ASCC1: variants seen among roughly 807,000 people sequenced by gnomAD.
ASCC1 encodes ASC-1 complex subunit P50.
Under a neutral mutation model 46.6 loss-of-function variants are expected in ASCC1, and 35 were observed. The ratio of observed to expected loss-of-function variants is 0.75; its 90% CI spans 0.57 to 0.99. The LOEUF is 0.99. Ranked by LOEUF, ASCC1 falls within the 50% of genes least tolerant of loss-of-function variation. ASCC1 has a pLI of 0.00. For missense variants in ASCC1, 376 were observed against 428.7 expected (o/e 0.88, Z 1.09); for synonymous variants, 143 against 146.6 (o/e 0.98, Z 0.18).
chr10:72,204,054 G>T (rs1856866589), intron 3 of ASCC1, among the ~76,000 whole-genome samples: 1 of 152,180 alleles, frequency 6.6e-6, no homozygotes, highest in Admixed American at 6.5e-5. Flanking sequence ...TTCGAGACCA[G>T]CCTGGCCAAC....
chr10:72,166,215 A>C (rs1040427662), intron 5 of ASCC1, among the ~76,000 whole-genome samples: 1 of 152,240 alleles, frequency 6.6e-6, no homozygotes, highest in Non-Finnish European at 1.5e-5. Flanking sequence ...TATGCATTTC[A>C]ACACAGCTCA....
Position 72,097,288 on chromosome 10 carries a change from G to C in ASCC1, c.*46C>G. ...ATTAAAACGAAGACACTTTTCTTCA[G>C]CACCTGGTGAAGATGTTTAGTTTCT... is the stretch of plus-strand genomic sequence containing the variant. On this transcript the variant is annotated 3_prime_UTR_variant, in exon 10 of 10. Transcript: ENST00000672957. 1 of 1,298,706 alleles carries C rather than the reference G, an allele frequency of 7.7e-7. No individual in the cohort carries two copies. Among genetic ancestry groups the C allele is most frequent in the Non-Finnish European group, 1.1e-6 (1 of 894,440 alleles). The allele number at this position is 1,298,706 out of a possible 1,614,324, so 80.4% of individuals were successfully genotyped here.
chr10:72,205,169 T>A (rs540939149), intron 3 of ASCC1, among the ~76,000 whole-genome samples: 9 of 151,436 alleles, frequency 5.9e-5, no homozygotes, highest in Non-Finnish European at 1.3e-4. Flanking sequence ...TGAGATCCTG[T>A]CTCTAAAAAA....
rs1854164650 is a variant in ASCC1 at position 72,189,980 on chromosome 10, A to C, written c.489+6831T>G. Reference sequence around the variant, plus strand: ...GTATATCCAGGAGCTACGGAGAAAGAAACAGTCTGATGTCATGTGCTTTCT... The same window carrying C: ...GTATATCCAGGAGCTACGGAGAAAGCAACAGTCTGATGTCATGTGCTTTCT... On this transcript the variant is annotated intron_variant, in intron 5 of 9. Coordinates refer to ENST00000672957, the MANE Select transcript of ASCC1 (RefSeq NM_001198800.3). The C allele has an allele frequency of 3.6e-5, 27 of 755,884 alleles. No individual in the cohort carries two copies. In the South Asian group the frequency reaches 3.6e-4, roughly 10 times the overall value. 46.8% of individuals were successfully genotyped at this position (755,884 alleles called of 1,614,324 possible).
chr10:72,199,029 C>T (rs2133323947), intron 4 of ASCC1, among the ~76,000 whole-genome samples: 1 of 152,140 alleles, frequency 6.6e-6, no homozygotes, highest in South Asian at 2.1e-4. Flanking sequence ...GTTGGCCAGG[C>T]TGGTCTCAAA....
intron 5 of ASCC1, chr10:72,190,378 T>C (rs1854236825): frequency 1.3e-6 from 2 of 1,558,500 alleles, no homozygotes; most frequent in East Asian, 2.2e-5. Flanking sequence ...ATCCAGTCCA[T>C]AAAGCTATCA....
chr10:72,109,785 G>C (rs1033426453), intron 9 of ASCC1, among the ~76,000 whole-genome samples: 2 of 152,148 alleles, frequency 1.3e-5, no homozygotes, highest in African/African-American at 2.4e-5. Flanking sequence ...TTGAAAAATA[G>C]TAAGAAAATA....
chr10:72,100,505 G>T (rs1037015873), intron 9 of ASCC1, among the ~76,000 whole-genome samples: 4 of 152,084 alleles, frequency 2.6e-5, no homozygotes, highest in African/African-American at 7.2e-5. Flanking sequence ...GGGATTACAG[G>T]CATGAGCCAC....
At chr10:72,203,014 C>T (rs1219401035) in intron 4 of ASCC1, among the ~76,000 whole-genome samples, 2 of 152,058 alleles carry the variant, frequency 1.3e-5, no homozygotes, top group Non-Finnish European at 2.9e-5. Context: ...TGGCCGGGCA[C>T]GGTGGCTCAC....
intron 5 of ASCC1, among the ~76,000 whole-genome samples, chr10:72,173,106 G>A (rs1321321504): frequency 1.3e-5 from 2 of 150,336 alleles, no homozygotes; most frequent in Admixed American, 6.7e-5. Flanking sequence ...AACTAGTAGA[G>A]CCAGACTCAA....
chr10:72,144,253 G>A (rs1847382105), intron 7 of ASCC1, among the ~76,000 whole-genome samples: 1 of 152,252 alleles, frequency 6.6e-6, no homozygotes, highest in Admixed American at 6.5e-5. Flanking sequence ...GGGATTACAG[G>A]CGTGAGCCAC....
At chr10:72,164,043 A>G (rs1850036889) in intron 5 of ASCC1, among the ~76,000 whole-genome samples, 1 of 151,892 alleles carries the variant, frequency 6.6e-6, no homozygotes, top group Non-Finnish European at 1.5e-5. Context: ...GCTCGCTACA[A>G]CTTTTGCCTC....
rs573963010 is a variant in ASCC1 at position 72,111,381 on chromosome 10, G to A, written c.958-13931C>T. 2.0e-5 allele frequency among the ~76,000 whole-genome samples: 3 copies of A among 152,076 alleles called. No homozygotes were observed. In the South Asian group the frequency reaches 6.2e-4, roughly 32 times the overall value. ...CACGCCTGTAGTCCCATCTACTCAG[G>A]AGGCTGAAGTGGGAGGATCACTTAA... On this transcript the variant is annotated intron_variant, in intron 9 of 9. Transcript: ENST00000672957.
chr10:72,193,716 A>C (rs2133223371), intron 5 of ASCC1, among the ~76,000 whole-genome samples: 1 of 152,322 alleles, frequency 6.6e-6, no homozygotes, highest in Middle Eastern at 3.4e-3. Flanking sequence ...AATTGAAAAA[A>C]TTTAATTCTT....
At chr10:72,123,062 G>A (rs2132162012) in intron 9 of ASCC1, among the ~76,000 whole-genome samples, 1 of 152,316 alleles carries the variant, frequency 6.6e-6, no homozygotes. Context: ...CAGAGGCTGG[G>A]CGCGGTGGCT....
intron 5 of ASCC1, 119 bp downstream of exon 5, chr10:72,196,692 G>T: frequency 9.8e-7 from 1 of 1,024,808 alleles, no homozygotes; most frequent in Non-Finnish European, 1.4e-6. Context: ...AAAAGAAATA[G>T]TTATCTTTTT....
chr10:72,167,731 G>GCCTCAAGCGATCCTCTCT (rs539257668), intron 5 of ASCC1, among the ~76,000 whole-genome samples: 102 of 151,284 alleles, frequency 6.7e-4, no homozygotes, highest in African/African-American at 2.3e-3. Flanking sequence ...CAAACTCCTG[G>GCCTCAAGCGATCCTCTCT]CCTCAAGCGA....
intron 9 of ASCC1, among the ~76,000 whole-genome samples, chr10:72,115,291 C>A (rs991731298): frequency 6.6e-6 from 1 of 152,154 alleles, no homozygotes; most frequent in Non-Finnish European, 1.5e-5. Context: ...AGACACATTG[C>A]TAAGCACTGA....
At chr10:72,106,610 A>G (rs1842372850) in intron 9 of ASCC1, among the ~76,000 whole-genome samples, 1 of 152,204 alleles carries the variant, frequency 6.6e-6, no homozygotes, top group South Asian at 2.1e-4. Flanking sequence ...GTATGAACAG[A>G]AGACAGGCTG....
Sources: gnomAD v4.1 joint callset for allele counts (sites outside exome capture counted in the v4.1 genomes callset) on GRCh38, gnomAD v4.1.1 for gene constraint, MANE v1.5 for transcripts, NCBI Gene and HGNC (gene_info 2026-07-23, HGNC 2026-07-21) for gene names.